The following VPS41 variants were observed in gnomAD, a reference collection of about 807,000 sequenced individuals.
VPS41 encodes VPS41 subunit of HOPS complex.
A neutral mutation model predicts 130.9 loss-of-function variants in VPS41; 85 were observed. The observed-to-expected ratio is 0.65, with a 90% CI of 0.55 to 0.78. VPS41 has a LOEUF of 0.78. VPS41 is among the 30% of genes least tolerant of loss of function. VPS41 has a pLI of 0.00. For synonymous variants in VPS41, 335 were observed against 332.9 expected (o/e 1.01, Z -0.07); for missense variants, 874 against 1,018.7 (o/e 0.86, Z 1.93).
chr7:38,821,093 G>C, intron 6 of VPS41, 110 bp downstream of exon 6: 1 of 778,318 alleles, frequency 1.3e-6, no homozygotes. Context: ...GTGTTGAACA[G>C]ACACTTACTG....
intron 4 of VPS41, among the ~76,000 whole-genome samples, chr7:38,855,610 A>G (rs1345497483): frequency 1.3e-5 from 2 of 152,188 alleles, no homozygotes; most frequent in African/African-American, 2.4e-5. Flanking sequence ...GTTTCGCTAC[A>G]TAAGGGAGGT....
chr7:38,879,834 G>A (rs1786566065), intron 2 of VPS41, among the ~76,000 whole-genome samples: 1 of 151,374 alleles, frequency 6.6e-6, no homozygotes, highest in African/African-American at 2.4e-5. Flanking sequence ...TGCTGAAATA[G>A]GTATGAGATG....
At position 38,770,624 on chromosome 7, in the gene VPS41, A is replaced by G. The variant is rs137942183; in HGVS notation, c.1185+574T>C. Among the ~76,000 whole-genome samples the G allele has an allele frequency of 6.1e-4, 93 of 152,278 alleles. 1 individual carries two copies. In the East Asian group the frequency reaches 0.018, roughly 29 times the overall value. On this transcript the variant is annotated intron_variant, in intron 14 of 28. Coordinates refer to ENST00000310301, the MANE Select transcript of VPS41 (RefSeq NM_014396.4). ...GACTGAGCTTCCAGTTTTCACCTGT[A>G]AAAAAGGGAACTCGGCTAGATGGTC...
At chr7:38,864,811 A>C (rs747462007) in intron 3 of VPS41, among the ~76,000 whole-genome samples, 3 of 152,048 alleles carry the variant, frequency 2.0e-5, no homozygotes, top group Non-Finnish European at 2.9e-5. Context: ...TGGGCAAAGA[A>C]TAAATATAAT....
chr7:38,867,906 A>G (rs534580771), intron 3 of VPS41, among the ~76,000 whole-genome samples: 1 of 152,360 alleles, frequency 6.6e-6, no homozygotes, highest in South Asian at 2.1e-4. Flanking sequence ...TGCTGGTAAG[A>G]TAGAGTTAGG....
chr7:38,888,241 TAG>T (rs1276566981), intron 2 of VPS41, among the ~76,000 whole-genome samples: 2 of 151,720 alleles, frequency 1.3e-5, no homozygotes, highest in Non-Finnish European at 2.9e-5. Context: ...GCAAACTGGA[TAG>T]AGTCAAGACC....
chr7:38,843,994 G>T (rs1785670086), intron 4 of VPS41, among the ~76,000 whole-genome samples: 1 of 152,118 alleles, frequency 6.6e-6, no homozygotes, highest in African/African-American at 2.4e-5. Context: ...ACTTTTAAAA[G>T]TTCACCTCTA....
intron 7 of VPS41, among the ~76,000 whole-genome samples, chr7:38,810,399 A>G (rs986694851): frequency 1.1e-5 from 1 of 94,892 alleles, no homozygotes; most frequent in African/African-American, 4.3e-5. Flanking sequence ...TGTATGTTGC[A>G]TACTTTGAAA....
chr7:38,867,928 T>G (rs1786264448), intron 3 of VPS41, among the ~76,000 whole-genome samples: 1 of 152,148 alleles, frequency 6.6e-6, no homozygotes, highest in African/African-American at 2.4e-5. Flanking sequence ...TAATCAATCA[T>G]TTCATAGACA....
intron 4 of VPS41, among the ~76,000 whole-genome samples, chr7:38,839,567 T>A (rs1006196196): frequency 3.9e-5 from 6 of 152,106 alleles, no homozygotes; most frequent in Non-Finnish European, 7.4e-5. Flanking sequence ...TAGCTGGGAC[T>A]ACAGGCATGC....
chr7:38,752,085 A>G (rs1783685191), intron 22 of VPS41, 91 bp downstream of exon 22: 1 of 1,548,198 alleles, frequency 6.5e-7, no homozygotes, highest in East Asian at 2.3e-5. Flanking sequence ...GGACAGATGA[A>G]CAGAGATAGA....
At chr7:38,848,917 C>G (rs1785787160) in intron 4 of VPS41, among the ~76,000 whole-genome samples, 1 of 152,068 alleles carries the variant, frequency 6.6e-6, no homozygotes, top group Non-Finnish European at 1.5e-5. Flanking sequence ...TGGACAGGAG[C>G]TAAGGAAAGA....
chr7:38,833,890 T>C (rs1260527048), intron 4 of VPS41, among the ~76,000 whole-genome samples: 1 of 152,002 alleles, frequency 6.6e-6, no homozygotes, highest in Non-Finnish European at 1.5e-5. Context: ...AAAGAAAAAG[T>C]ACAAGTAAAT....
intron 4 of VPS41, among the ~76,000 whole-genome samples, chr7:38,842,738 CT>C (rs1785634590): frequency 6.6e-6 from 1 of 152,222 alleles, no homozygotes; most frequent in Non-Finnish European, 1.5e-5. Flanking sequence ...AATTCCAGCT[CT>C]TTCTAAAAGA....
chr7:38,900,969 A>G (rs904016855), intron 1 of VPS41, among the ~76,000 whole-genome samples: 1 of 152,244 alleles, frequency 6.6e-6, no homozygotes, highest in African/African-American at 2.4e-5. Flanking sequence ...CTCATTAAGA[A>G]ATCCAAGAAG....
chr7:38,879,799 C>G (rs1399453733), intron 2 of VPS41, among the ~76,000 whole-genome samples: 1 of 151,630 alleles, frequency 6.6e-6, no homozygotes, highest in African/African-American at 2.4e-5. Flanking sequence ...CCACTGCGCA[C>G]ATGGACCGGT....
rs773507552 is a variant in VPS41, at chr7:38,774,199, G to C, written c.928C>G (p.Leu310Val). The C allele has an allele frequency of 6.2e-7, 1 of 1,609,340 alleles. No individual in the cohort carries two copies. The highest frequency in any genetic ancestry group is 8.5e-7 in the Non-Finnish European group (1 of 1,176,532). The change falls in exon 12 of 29, where the codon CTT becomes GTT. Residue 310 changes from leucine to valine, a missense_variant. By Grantham distance (32) the Leu-to-Val change is conservative. Transcript: ENST00000310301. ...ARPRLDIIQP[L>V]SETCEEISSD... ...GAGATCTCTTCACAAGTCTCAGAAA[G>C]TGGCTGGATGATGTCCAGTCTAGGC...
At chr7:38,756,554 T>C (rs1584377614) in intron 19 of VPS41, among the ~76,000 whole-genome samples, 1 of 152,196 alleles carries the variant, frequency 6.6e-6, no homozygotes, top group African/African-American at 2.4e-5. Flanking sequence ...ATTATATGAA[T>C]TGTTTTAGCA....
At chr7:38,809,000 T>C (rs1012879254) in intron 7 of VPS41, among the ~76,000 whole-genome samples, 3 of 152,236 alleles carry the variant, frequency 2.0e-5, no homozygotes, top group Non-Finnish European at 2.9e-5. Flanking sequence ...ATGTACGCTA[T>C]GGTTACTATA....
Sources: allele counts gnomAD v4.1 joint callset (sites outside exome capture counted in the v4.1 genomes callset), GRCh38; gene constraint gnomAD v4.1.1; transcripts MANE v1.5; gene names NCBI Gene and HGNC (gene_info 2026-07-23, HGNC 2026-07-21).